The following MDFIC variants were observed in gnomAD, a reference collection of about 807,000 sequenced individuals.
The protein encoded by MDFIC is myoD family inhibitor domain-containing protein.
Under a neutral mutation model 23.2 loss-of-function variants are expected in MDFIC, and 17 were observed. That is an observed-to-expected ratio of 0.73 (90% CI 0.50 to 1.10). MDFIC has a LOEUF of 1.10. MDFIC is among the 50% of genes least tolerant of loss of function. The probability of loss-of-function intolerance (pLI) is 0.00; values close to 1 mark genes in which losing one functional copy is unlikely to be tolerated. For missense variants in MDFIC, 356 were observed against 316.6 expected (o/e 1.12, Z -0.95); for synonymous variants, 120 against 115.2 (o/e 1.04, Z -0.27).
In MDFIC at chr7:114,964,933, C is replaced by T. The variant is rs998024282; in HGVS notation, c.218-14573C>T. 2.6e-5 allele frequency among the ~76,000 whole-genome samples: 4 copies of T among 152,216 alleles called. No individual in the cohort carries two copies. In the East Asian group the frequency reaches 7.7e-4, roughly 29 times the overall value. ...TGTATGTATGTGGGCTTCCATGTGT[C>T]ATTTAATAAATGTTGAGTGACTATA... On this transcript the variant is annotated intron_variant, in intron 3 of 4. Transcript: ENST00000393486.
chr7:114,934,549 A>G (rs1464646546), intron 2 of MDFIC, among the ~76,000 whole-genome samples: 2 of 152,322 alleles, frequency 1.3e-5, no homozygotes, highest in East Asian at 3.9e-4. Context: ...TGATTGAGTC[A>G]GTATCATTTT....
chr7:114,929,474 G>C (rs1054600010), intron 2 of MDFIC, among the ~76,000 whole-genome samples: 1 of 152,142 alleles, frequency 6.6e-6, no homozygotes, highest in African/African-American at 2.4e-5. Context: ...GGTGTCTCTG[G>C]ATTTTGGCAA....
intron 4 of MDFIC, among the ~76,000 whole-genome samples, chr7:114,993,142 G>A (rs1334675344): frequency 6.6e-6 from 1 of 152,158 alleles, no homozygotes; most frequent in East Asian, 1.9e-4. Context: ...TTTGTGTAGA[G>A]GTGTTTATAG....
rs370617799 is a variant in MDFIC at position 114,942,534 on chromosome 7, T to G, written c.217+137T>G. On this transcript the variant is annotated intron_variant, in intron 3 of 4. Transcript: ENST00000393486. The stretch of plus-strand genomic sequence containing the variant: ...TATCTAAAAGTGGTTTCATTTGTAT[T>G]TTAAATTACAGAGCTAAAGCTAGGA... The G allele has an allele frequency of 6.4e-6, 4 of 624,306 alleles. No individual in the cohort carries two copies. In the African/African-American group the frequency reaches 7.7e-5, roughly 12 times the overall value. The allele number at this position is 624,306 out of a possible 1,614,324, so 38.7% of individuals were successfully genotyped here.
intron 2 of MDFIC, among the ~76,000 whole-genome samples, chr7:114,927,384 A>G (rs1792214454): frequency 1.3e-5 from 2 of 151,584 alleles, no homozygotes; most frequent in African/African-American, 2.4e-5. Context: ...CACCTTTTCA[A>G]GTTCCAAAAT....
At chr7:114,923,554 C>A in intron 2 of MDFIC, 1 of 1,535,086 alleles carries the variant, frequency 6.5e-7, no homozygotes, top group South Asian at 1.2e-5. Context: ...CTCTACCACC[C>A]GGTTGATAAT....
intron 3 of MDFIC, among the ~76,000 whole-genome samples, chr7:114,946,840 C>G (rs988460782): frequency 6.6e-6 from 1 of 152,138 alleles, no homozygotes; most frequent in African/African-American, 2.4e-5. Context: ...TCAACAGGCT[C>G]TGTTATTCGG....
intron 3 of MDFIC, among the ~76,000 whole-genome samples, chr7:114,953,937 T>A (rs764377287): frequency 6.6e-6 from 1 of 152,186 alleles, no homozygotes; most frequent in African/African-American, 2.4e-5. Context: ...TTTCTCCCCC[T>A]GCTGGATATT....
At chr7:114,934,305 C>T (rs1792384210) in intron 2 of MDFIC, among the ~76,000 whole-genome samples, 1 of 152,162 alleles carries the variant, frequency 6.6e-6, no homozygotes, top group South Asian at 2.1e-4. Context: ...TTCCTCATAT[C>T]AGATTGCTGT....
intron 2 of MDFIC, among the ~76,000 whole-genome samples, chr7:114,930,262 A>G (rs1369292601): frequency 1.3e-5 from 2 of 152,202 alleles, no homozygotes; most frequent in Admixed American, 1.3e-4. Context: ...AGCAGACAGA[A>G]TGGATTTTGC....
intron 4 of MDFIC, among the ~76,000 whole-genome samples, chr7:115,004,337 A>C (rs973171958): frequency 6.6e-6 from 1 of 152,182 alleles, no homozygotes; most frequent in East Asian, 1.9e-4. Context: ...CTATACTCCT[A>C]GTAGCTCATG....
chr7:114,997,817 AAAG>A (rs901550952), intron 4 of MDFIC, among the ~76,000 whole-genome samples: 100 of 151,480 alleles, frequency 6.6e-4, no homozygotes, highest in African/African-American at 2.0e-3. Context: ...GAAAGAAAGA[AAAG>A]AAAAGAAAAG....
intron 4 of MDFIC, among the ~76,000 whole-genome samples, chr7:114,982,004 G>A (rs189292138): frequency 2.4e-4 from 37 of 152,340 alleles, no homozygotes; most frequent in Admixed American, 4.6e-4. Context: ...GGGTACTTGA[G>A]TTTCTATGGG....
chr7:114,952,104 T>C (rs1261162193), intron 3 of MDFIC, among the ~76,000 whole-genome samples: 1 of 152,232 alleles, frequency 6.6e-6, no homozygotes, highest in African/African-American at 2.4e-5. Flanking sequence ...ATTCTATACC[T>C]ATTTTTATAA....
intron 4 of MDFIC, among the ~76,000 whole-genome samples, chr7:114,999,202 T>G (rs1791408416): frequency 6.6e-6 from 1 of 152,172 alleles, no homozygotes; most frequent in Non-Finnish European, 1.5e-5. Flanking sequence ...TTAATGACAC[T>G]TTCCACAATA....
At chr7:114,948,466 T>G (rs1285464404) in intron 3 of MDFIC, among the ~76,000 whole-genome samples, 1 of 152,136 alleles carries the variant, frequency 6.6e-6, no homozygotes, top group Non-Finnish European at 1.5e-5. Flanking sequence ...CCGATGTTCC[T>G]TATTTTTCTT....
At chr7:114,988,522 T>G (rs1244518251) in intron 4 of MDFIC, among the ~76,000 whole-genome samples, 1 of 152,172 alleles carries the variant, frequency 6.6e-6, no homozygotes. Context: ...AATTGAAGAT[T>G]TACTTTAGAG....
intron 3 of MDFIC, among the ~76,000 whole-genome samples, chr7:114,946,451 T>A (rs1045627609): frequency 6.6e-6 from 1 of 152,192 alleles, no homozygotes; most frequent in Non-Finnish European, 1.5e-5. Context: ...GACATTGCTT[T>A]TACATAAACG....
chr7:115,005,702 C>T (rs779521571), intron 4 of MDFIC, among the ~76,000 whole-genome samples: 6 of 152,104 alleles, frequency 3.9e-5, no homozygotes, highest in Non-Finnish European at 7.3e-5. Flanking sequence ...GTTCATAGAT[C>T]GTTTTTAGCT....
Sources: gnomAD v4.1 joint callset for allele counts (sites outside exome capture counted in the v4.1 genomes callset) on GRCh38, gnomAD v4.1.1 for gene constraint, MANE v1.5 for transcripts, NCBI Gene and HGNC (gene_info 2026-07-23, HGNC 2026-07-21) for gene names.